TLN2: variants seen among roughly 807,000 people sequenced by gnomAD.
TLN2 encodes the protein talin-2.
A neutral mutation model predicts 294.7 loss-of-function variants in TLN2; 118 were observed. The ratio of observed to expected loss-of-function variants is 0.40; its 90% confidence interval spans 0.34 to 0.47. The LOEUF is 0.47. Among genes scored for constraint, TLN2 ranks in the 20% least tolerant of loss-of-function variants. The pLI, the probability that TLN2 is intolerant of heterozygous loss-of-function variation, is 0.84. For synonymous variants in TLN2, 1,431 were observed against 1,304.5 expected, an observed-to-expected ratio of 1.10 and a Z score of -2.09; for missense variants, 3,083 against 3,282.2, an observed-to-expected ratio of 0.94 and a Z score of 1.48.
chr15:62,767,636 G>C (rs1326606854), intron 41 of TLN2, among the ~76,000 whole-genome samples: 1 of 152,176 alleles, frequency 6.6e-6, no homozygotes, highest in Admixed American at 6.5e-5. Context: ...ACTGCGCCCG[G>C]CTGGCATATT....
At chr15:62,522,859 A>G (rs2040530077) in intron 1 of TLN2, among the ~76,000 whole-genome samples, 1 of 151,660 alleles carries the variant, frequency 6.6e-6, no homozygotes, top group Non-Finnish European at 1.5e-5. Flanking sequence ...ACAAAGATTC[A>G]CTCACCCACT....
intron 37 of TLN2, 83 bp downstream of exon 37, chr15:62,755,776 C>T (rs2062211206): frequency 6.6e-7 from 1 of 1,521,316 alleles, no homozygotes; most frequent in Non-Finnish European, 8.9e-7. Context: ...AAGCTCCACT[C>T]CTCTCCTTGT....
intron 1 of TLN2, chr15:62,453,553 A>G (rs907868865): frequency 2.6e-5 from 4 of 152,170 alleles, no homozygotes; most frequent in African/African-American, 9.7e-5. Flanking sequence ...TTGTTGACTG[A>G]TTGCACCAGC....
At chr15:62,622,358 G>A (rs754565506) in intron 3 of TLN2, among the ~76,000 whole-genome samples, 30 of 152,110 alleles carry the variant, frequency 2.0e-4, no homozygotes, top group Admixed American at 5.9e-4. Flanking sequence ...GATGGTTTCT[G>A]CTTTCAGCCA....
At chr15:62,681,218 T>A (rs980741135) in intron 11 of TLN2, among the ~76,000 whole-genome samples, 5 of 152,176 alleles carry the variant, frequency 3.3e-5, no homozygotes, top group African/African-American at 1.2e-4. Context: ...CAGTAACAGA[T>A]TTCTCAAGCC....
intron 43 of TLN2, among the ~76,000 whole-genome samples, chr15:62,778,231 A>G (rs1001361146): frequency 8.5e-5 from 13 of 152,242 alleles, no homozygotes; most frequent in African/African-American, 2.7e-4. Context: ...CGCAGGCTCT[A>G]CTTTGTCAAA....
intron 1 of TLN2, among the ~76,000 whole-genome samples, chr15:62,454,227 C>T (rs2036327937): frequency 6.6e-6 from 1 of 152,176 alleles, no homozygotes; most frequent in African/African-American, 2.4e-5. Context: ...TTCTTTTCCA[C>T]TGATGTCAGT....
At position 62,702,007 on chromosome 15, in the gene TLN2, C is replaced by A. The variant is rs771752304; in HGVS notation, c.1712C>A (p.Thr571Asn). The change falls in exon 18 of 59, where the codon ACT becomes AAT. Residue 571 changes from threonine (T) to asparagine (N), a missense_variant. Physicochemically the swap from Thr to Asn is moderately conservative, Grantham distance 65 (BLOSUM62 0). Transcript: ENST00000636159. ...VNLTAGDPADTDYTAVGCAIT... is the reference protein window; with the variant it reads ...VNLTAGDPADNDYTAVGCAIT... ...TCTGTGCCAGGTGACCCTGCAGACACTGACTACACAGCTGTGGGATGTGCG... is the reference window on the plus strand; with the variant it reads ...TCTGTGCCAGGTGACCCTGCAGACAATGACTACACAGCTGTGGGATGTGCG... 2 of 1,614,078 alleles carry A rather than the reference C, an allele frequency of 1.2e-6. No individual in the cohort carries two copies. Among genetic ancestry groups the A allele is most frequent in the East Asian group, 4.5e-5 (2 of 44,884 alleles).
intron 1 of TLN2, among the ~76,000 whole-genome samples, chr15:62,517,912 C>T (rs1244304260): frequency 1.3e-5 from 2 of 152,134 alleles, no homozygotes; most frequent in African/African-American, 4.8e-5. Context: ...ACTATTTAAG[C>T]CTGAATTTTC....
At chr15:62,701,920 G>C in intron 17 of TLN2, 72 bp from the exon 18 acceptor site, 2 of 1,547,936 alleles carry the variant, frequency 1.3e-6, no homozygotes, top group Admixed American at 1.7e-5. Context: ...ACTCCTGCCA[G>C]TGTGGGGTTT....
At chr15:62,819,019 C>A (rs1232525261) in intron 52 of TLN2, among the ~76,000 whole-genome samples, 1 of 151,938 alleles carries the variant, frequency 6.6e-6, no homozygotes, top group East Asian at 1.9e-4. Flanking sequence ...CCATGCCCAG[C>A]CAATTTTTAA....
At chr15:62,491,349 TATACACACACACAC>T (rs1324113443) in intron 1 of TLN2, among the ~76,000 whole-genome samples, 136 of 84,560 alleles carry the variant, frequency 1.6e-3, no homozygotes, top group Admixed American at 4.3e-3. Context: ...TATATATATA[TATACACACACACAC>T]ACACACACAC....
chr15:62,782,518 G>A (rs2064266823), intron 44 of TLN2, among the ~76,000 whole-genome samples: 1 of 152,182 alleles, frequency 6.6e-6, no homozygotes, highest in Non-Finnish European at 1.5e-5. Context: ...GACCCTGGGT[G>A]TCCATGAGCT....
chr15:62,813,032 A>G (rs1054356070), intron 52 of TLN2, among the ~76,000 whole-genome samples: 2 of 152,240 alleles, frequency 1.3e-5, no homozygotes, highest in African/African-American at 4.8e-5. Context: ...CAGGTCATTC[A>G]GGAGGTCACC....
intron 1 of TLN2, among the ~76,000 whole-genome samples, chr15:62,585,004 TAC>T (rs2045468443): frequency 6.6e-6 from 1 of 152,220 alleles, no homozygotes; most frequent in Admixed American, 6.5e-5. Flanking sequence ...TTCTGATTTT[TAC>T]ACACATGCAG....
At chr15:62,768,011 C>T (rs1026123913) in intron 41 of TLN2, among the ~76,000 whole-genome samples, 2 of 152,196 alleles carry the variant, frequency 1.3e-5, no homozygotes, top group Admixed American at 1.3e-4. Flanking sequence ...CTCTTACCTT[C>T]TAAAAGAGAA....
chr15:62,576,670 G>A (rs1821578), intron 1 of TLN2, among the ~76,000 whole-genome samples: 1 of 116,354 alleles, frequency 8.6e-6, no homozygotes, highest in African/African-American at 3.4e-5. Flanking sequence ...TCCCCCCCCC[G>A]CCCCCCACAT....
At chr15:62,551,957 G>C (rs1333297363) in intron 1 of TLN2, among the ~76,000 whole-genome samples, 2 of 152,214 alleles carry the variant, frequency 1.3e-5, no homozygotes, top group Non-Finnish European at 2.9e-5. Context: ...TGGGTTGATA[G>C]AAGGTACAAG....
chr15:62,526,984 A>T (rs2040772683), intron 1 of TLN2, among the ~76,000 whole-genome samples: 1 of 152,232 alleles, frequency 6.6e-6, no homozygotes, highest in East Asian at 1.9e-4. Context: ...GTATAGATGT[A>T]TATTTACAAT....
Sources: gnomAD v4.1 joint callset for allele counts (sites outside exome capture counted in the v4.1 genomes callset) on GRCh38, gnomAD v4.1.1 for gene constraint, MANE v1.5 for transcripts, NCBI Gene and HGNC (gene_info 2026-07-23, HGNC 2026-07-21) for gene names.